Variants in FSD1L observed in about 807,000 individuals in gnomAD.
FSD1L encodes the protein fibronectin type III and SPRY domain containing 1 like, also known as FSD1-like protein.
In FSD1L, 45 loss-of-function variants were observed where a neutral mutation model predicts 71.6. That is an observed-to-expected ratio of 0.63 (90% CI 0.49 to 0.81). The LOEUF (loss-of-function observed/expected upper bound fraction) is 0.81, where lower values mean the gene tolerates loss of function less well. FSD1L is among the 30% of genes least tolerant of loss of function. The pLI, the probability that FSD1L is intolerant of heterozygous loss-of-function variation, is 0.00. For missense variants in FSD1L, 561 were observed against 618.1 expected (o/e 0.91, Z 0.98); for synonymous variants, 197 against 207.2 (o/e 0.95, Z 0.42).
chr9:105,525,174 C>T (rs1835429665), intron 10 of FSD1L: 2 of 1,589,012 alleles, frequency 1.3e-6, no homozygotes, highest in South Asian at 2.3e-5. Flanking sequence ...CCAGAAGAGC[C>T]TCCGACATCT....
intron 7 of FSD1L, among the ~76,000 whole-genome samples, chr9:105,491,220 A>G (rs1445199838): frequency 6.6e-6 from 1 of 151,696 alleles, no homozygotes; most frequent in Non-Finnish European, 1.5e-5. Flanking sequence ...GAGGTCCTTC[A>G]CATCCCTTGT....
At chr9:105,501,349 A>G (rs1833748059) in intron 7 of FSD1L, among the ~76,000 whole-genome samples, 1 of 151,920 alleles carries the variant, frequency 6.6e-6, no homozygotes, top group South Asian at 2.1e-4. Context: ...TTTTTTTCAG[A>G]TTGTGTCCTC....
At chr9:105,489,954 G>A (rs1050435786) in intron 7 of FSD1L, among the ~76,000 whole-genome samples, 3 of 152,096 alleles carry the variant, frequency 2.0e-5, no homozygotes, top group Non-Finnish European at 4.4e-5. Flanking sequence ...GAATAGTGCT[G>A]CAATAAACAT....
intron 7 of FSD1L, among the ~76,000 whole-genome samples, chr9:105,504,277 C>G (rs1417160537): frequency 6.6e-6 from 1 of 152,136 alleles, no homozygotes; most frequent in Non-Finnish European, 1.5e-5. Flanking sequence ...GACAGAAATC[C>G]TACAAGACAG....
intron 10 of FSD1L, among the ~76,000 whole-genome samples, chr9:105,533,402 A>T (rs1177786304): frequency 3.9e-5 from 2 of 50,776 alleles, no homozygotes; most frequent in African/African-American, 1.3e-4. Context: ...GATTTGGATA[A>T]TTGCCATTTC....
chr9:105,450,504 C>A (rs1247641310), intron 1 of FSD1L, among the ~76,000 whole-genome samples: 1 of 150,932 alleles, frequency 6.6e-6, no homozygotes, highest in African/African-American at 2.4e-5. Flanking sequence ...AATTGTAATT[C>A]TCTCACAAGA....
At chr9:105,539,469 TCTC>T in intron 13 of FSD1L, 118 bp downstream of exon 13, 3 of 435,720 alleles carry the variant, frequency 6.9e-6, no homozygotes, top group South Asian at 6.7e-5. Context: ...TTCTTCATAT[TCTC>T]CTCCATTTCC....
chr9:105,482,406 T>G (rs1196724221), intron 6 of FSD1L, among the ~76,000 whole-genome samples: 1 of 152,150 alleles, frequency 6.6e-6, no homozygotes, highest in Non-Finnish European at 1.5e-5. Flanking sequence ...AATTAGGTAG[T>G]TTGAGGAAAT....
chr9:105,525,364 C>G (rs1374936506), intron 10 of FSD1L: 2 of 1,593,674 alleles, frequency 1.3e-6, no homozygotes, highest in Non-Finnish European at 1.7e-6. Flanking sequence ...ACTTAATATT[C>G]CTGCTCCACA....
At chr9:105,443,046 T>G (rs570657751), upstream of FSD1L, among the ~76,000 whole-genome samples, 5 of 152,348 alleles carry the variant, frequency 3.3e-5, no homozygotes, top group African/African-American at 9.6e-5. Flanking sequence ...TTTAGTTGTG[T>G]CTCTTCTCAC....
intron 10 of FSD1L, among the ~76,000 whole-genome samples, chr9:105,532,337 T>C (rs184694376): frequency 4.6e-5 from 7 of 152,370 alleles, no homozygotes; most frequent in Non-Finnish European, 1.0e-4. Context: ...TACAGTTCTT[T>C]TTTCCTGAGT....
chr9:105,531,775 C>G (rs931900333), intron 10 of FSD1L, among the ~76,000 whole-genome samples: 5 of 152,156 alleles, frequency 3.3e-5, no homozygotes, highest in African/African-American at 1.2e-4. Context: ...GTCACATGAA[C>G]TTTTGGAGAA....
At chr9:105,491,550 T>TC (rs1364890103) in intron 7 of FSD1L, among the ~76,000 whole-genome samples, 2 of 148,306 alleles carry the variant, frequency 1.3e-5, no homozygotes, top group Non-Finnish European at 3.0e-5. Flanking sequence ...ATAGGAGTGG[T>TC]GAGAGAGGGC....
chr9:105,489,701 T>C (rs1386416565), intron 7 of FSD1L, among the ~76,000 whole-genome samples: 1 of 152,188 alleles, frequency 6.6e-6, no homozygotes, highest in Non-Finnish European at 1.5e-5. Context: ...TTCCCCTTCA[T>C]GTGTCCATGT....
rs74937328 is a variant in FSD1L, at chr9:105,459,109, G to T, written c.16-2411G>T. On this transcript the variant is annotated intron_variant, in intron 1 of 13. Transcript: ENST00000481272. ...CCAGTCTCCCCTTGTATACCTCCTA[G>T]ATTAGGCACATACTATCCTTATATA... Among the ~76,000 whole-genome samples, 1,405 of 152,272 alleles carry T rather than the reference G, an allele frequency of 9.2e-3. 22 individuals carry two copies. The highest frequency in any genetic ancestry group is 0.032 in the African/African-American group (1,346 of 41,536).
rs554371828 is a variant in FSD1L at position 105,494,147 on chromosome 9, A to G, written c.586+9645A>G. 8.8e-3 allele frequency among the ~76,000 whole-genome samples: 1,332 copies of G among 152,012 alleles called. 18 individuals are homozygous for G. The highest frequency in any genetic ancestry group is 0.031 in the African/African-American group (1,264 of 41,354). ...TCACTTTCAGGTACACCAATCAGAC[A>G]TAGATTTGGTCTTTTCACATAGTCC... On this transcript the variant is annotated intron_variant, in intron 7 of 13. Coordinates refer to ENST00000481272, the MANE Select transcript of FSD1L (RefSeq NM_001145313.3).
At chr9:105,445,298 C>T (rs1829618190), upstream of FSD1L, among the ~76,000 whole-genome samples, 1 of 152,118 alleles carries the variant, frequency 6.6e-6, no homozygotes, top group Non-Finnish European at 1.5e-5. Flanking sequence ...AGACAGAGAT[C>T]AGGTGAGGGC....
rs1026573554 is a variant in FSD1L, at chr9:105,535,212, C to G, written c.1272C>G (p.Val424=). Residue 424 remains valine (V), a synonymous_variant, in exon 12 of 14, where the codon GTC becomes GTG. Transcript: ENST00000481272. ...GKTNTSWCIH[V]NNWLQNTFAA... ...CAAACACTAGTTGGTGTATCCATGT[C>G]AACAACTGGCTACAAAACACATTTG... The G allele has an allele frequency of 6.4e-7, 1 of 1,551,838 alleles. No individual in the cohort carries two copies. Among genetic ancestry groups the G allele is most frequent in the Admixed American group, 2.0e-5 (1 of 50,992 alleles).
chr9:105,517,462 C>G (rs536436955), intron 10 of FSD1L, among the ~76,000 whole-genome samples: 3 of 152,220 alleles, frequency 2.0e-5, no homozygotes, highest in African/African-American at 7.2e-5. Context: ...CAGCAGATCT[C>G]TCTGCAGAAA....
Sources: gnomAD v4.1 joint callset for allele counts (sites outside exome capture counted in the v4.1 genomes callset) on GRCh38, gnomAD v4.1.1 for gene constraint, MANE v1.5 for transcripts, NCBI Gene and HGNC (gene_info 2026-07-23, HGNC 2026-07-21) for gene names.